EPSTI1: variants seen among roughly 807,000 people sequenced by gnomAD.
EPSTI1 encodes the protein epithelial-stromal interaction protein 1.
In EPSTI1, 66 loss-of-function variants were observed where a neutral mutation model predicts 49.9. The observed-to-expected ratio is 1.32, with a 90% CI of 1.08 to 1.62. The LOEUF is 1.62. EPSTI1 is among the 40% of genes most tolerant of loss of function. The pLI, the probability that EPSTI1 is intolerant of heterozygous loss-of-function variation, is 0.00. For missense variants in EPSTI1, 394 were observed against 365.5 expected (o/e 1.08, Z -0.64); for synonymous variants, 137 against 130.7 (o/e 1.05, Z -0.33).
intron 7 of EPSTI1, 46 bp from the exon 8 acceptor site, chr13:42,917,670 G>C: frequency 7.8e-7 from 1 of 1,280,036 alleles, no homozygotes; most frequent in Admixed American, 2.2e-5. Flanking sequence ...CAACTTGATA[G>C]GATAAAGGGT....
At chr13:42,969,235 T>C (rs537660927) in intron 2 of EPSTI1, 58 bp from the exon 3 acceptor site, 2 of 1,529,612 alleles carry the variant, frequency 1.3e-6, no homozygotes, top group East Asian at 2.3e-5. Flanking sequence ...AGAAAACCAG[T>C]CCCTTCAAAG....
intron 8 of EPSTI1, among the ~76,000 whole-genome samples, chr13:42,904,040 G>A (rs1225295578): frequency 6.6e-6 from 1 of 152,172 alleles, no homozygotes; most frequent in Non-Finnish European, 1.5e-5. Context: ...GCATCTACAT[G>A]ATAGGCTATA....
chr13:42,925,063 C>T (rs965736854), intron 7 of EPSTI1, among the ~76,000 whole-genome samples: 1 of 152,164 alleles, frequency 6.6e-6, no homozygotes, highest in Non-Finnish European at 1.5e-5. Context: ...CCCCAGTTAG[C>T]AAGTCAATAA....
At position 42,892,098 on chromosome 13, in the gene EPSTI1, G is replaced by A. The variant is rs987515157; in HGVS notation, c.915+2911C>T. On this transcript the variant is annotated intron_variant, in intron 10 of 10. Transcript: ENST00000313624. ...GAATAGTGTAGACAGAGCACCCAGT[G>A]CTCTCAGCAAGAAAGCTGGTGTGGC... is the stretch of plus-strand genomic sequence containing the variant. Among the ~76,000 whole-genome samples, 8 of 152,316 alleles carry A rather than the reference G, an allele frequency of 5.3e-5. No individual in the cohort carries two copies. The South Asian group carries it at 1.7e-3, about 32-fold the overall frequency.
rs1215112149 is a variant in EPSTI1, at chr13:42,904,098, C to G, written c.742-3715G>C. On this transcript the variant is annotated intron_variant, in intron 8 of 10. Coordinates refer to ENST00000313624, the MANE Select transcript of EPSTI1 (RefSeq NM_033255.5). ...TCTTTGCTCCTTTAGAGTTTATATT[C>G]TAGAGAAAGGAAACCCATAAACAAG... 2.0e-5 allele frequency among the ~76,000 whole-genome samples: 3 copies of G among 152,078 alleles called. No homozygotes were observed. The East Asian group carries it at 5.8e-4, about 29-fold the overall frequency.
chr13:42,970,107 A>G (rs2039730379), intron 2 of EPSTI1: 1 of 152,242 alleles, frequency 6.6e-6, no homozygotes, highest in Admixed American at 6.5e-5. Flanking sequence ...CCTACCAATC[A>G]TGTAATAAAG....
intron 9 of EPSTI1, among the ~76,000 whole-genome samples, chr13:42,896,575 T>C (rs2037194973): frequency 6.6e-6 from 1 of 152,216 alleles, no homozygotes; most frequent in Non-Finnish European, 1.5e-5. Context: ...GATACCATTC[T>C]AGTTCAAATT....
At chr13:42,908,251 C>T (rs1022225312) in intron 8 of EPSTI1, among the ~76,000 whole-genome samples, 8 of 152,196 alleles carry the variant, frequency 5.3e-5, no homozygotes, top group South Asian at 2.1e-4. Flanking sequence ...TTTGGGAGGC[C>T]GAGGCAGGCA....
chr13:42,920,332 A>G (rs951716524), intron 7 of EPSTI1, among the ~76,000 whole-genome samples: 1 of 152,198 alleles, frequency 6.6e-6, no homozygotes, highest in Non-Finnish European at 1.5e-5. Context: ...AATACACACA[A>G]GCTCTATCTT....
chr13:42,939,961 T>A (rs1394503772), intron 6 of EPSTI1, among the ~76,000 whole-genome samples: 1 of 152,224 alleles, frequency 6.6e-6, no homozygotes, highest in African/African-American at 2.4e-5. Context: ...TGCAGTAACA[T>A]CTTTAGTAGT....
intron 1 of EPSTI1, among the ~76,000 whole-genome samples, chr13:42,988,530 A>G (rs1292561284): frequency 6.6e-6 from 1 of 152,326 alleles, no homozygotes; most frequent in South Asian, 2.1e-4. Context: ...CAGGAGTTTG[A>G]GACCGGCCTG....
chr13:42,928,210 C>CT (rs1486778984), intron 6 of EPSTI1, among the ~76,000 whole-genome samples: 1 of 152,212 alleles, frequency 6.6e-6, no homozygotes, highest in Non-Finnish European at 1.5e-5. Flanking sequence ...AAGTGATCAA[C>CT]TATACAAAGG....
At chr13:42,982,837 T>G in intron 1 of EPSTI1, among the ~76,000 whole-genome samples, 1 of 152,172 alleles carries the variant, frequency 6.6e-6, no homozygotes, top group East Asian at 1.9e-4. Flanking sequence ...CATAATATCC[T>G]CATTTCAGAG....
At chr13:42,936,910 C>T (rs1338554960) in intron 6 of EPSTI1, among the ~76,000 whole-genome samples, 2 of 152,298 alleles carry the variant, frequency 1.3e-5, no homozygotes, top group Middle Eastern at 3.4e-3. Flanking sequence ...CATCACTACA[C>T]CTCCAGTACT....
At chr13:42,888,805 C>T (rs1398603484) in intron 10 of EPSTI1, among the ~76,000 whole-genome samples, 12 of 152,150 alleles carry the variant, frequency 7.9e-5, no homozygotes, top group Admixed American at 7.9e-4. Flanking sequence ...TGTCACCCAC[C>T]TACACAGTTA....
At chr13:42,972,496 C>T (rs1175265765) in intron 1 of EPSTI1, among the ~76,000 whole-genome samples, 1 of 152,186 alleles carries the variant, frequency 6.6e-6, no homozygotes, top group Admixed American at 6.5e-5. Context: ...GGTTGAATCT[C>T]AGGCCAAAGA....
intron 9 of EPSTI1, among the ~76,000 whole-genome samples, chr13:42,897,594 A>C (rs1417925079): frequency 6.6e-6 from 1 of 152,210 alleles, no homozygotes; most frequent in Non-Finnish European, 1.5e-5. Context: ...GCTCACTGGC[A>C]ATTGCTCTCA....
intron 1 of EPSTI1, among the ~76,000 whole-genome samples, chr13:42,978,021 C>A (rs1167802532): frequency 6.6e-6 from 1 of 151,870 alleles, no homozygotes; most frequent in Non-Finnish European, 1.5e-5. Context: ...GGTGTAGTGG[C>A]GGGCGCCTGT....
intron 3 of EPSTI1, among the ~76,000 whole-genome samples, chr13:42,965,518 T>A (rs1304250131): frequency 6.6e-6 from 1 of 152,134 alleles, no homozygotes; most frequent in Non-Finnish European, 1.5e-5. Flanking sequence ...TGGGGAACCT[T>A]AACTAACTTC....
Sources: allele counts gnomAD v4.1 joint callset (sites outside exome capture counted in the v4.1 genomes callset), GRCh38; gene constraint gnomAD v4.1.1; transcripts MANE v1.5; gene names NCBI Gene and HGNC (gene_info 2026-07-23, HGNC 2026-07-21).